Variants in STAG1 observed in about 807,000 individuals in gnomAD.
STAG1 encodes the protein cohesin subunit SA-1.
A neutral mutation model predicts 170.9 loss-of-function variants in STAG1; 26 were observed. The ratio of observed to expected loss-of-function variants is 0.15; its 90% CI spans 0.11 to 0.21. STAG1 has a LOEUF of 0.21. STAG1 is among the 10% of genes least tolerant of loss of function. The probability of loss-of-function intolerance (pLI) is 1.00; values close to 1 mark genes in which losing one functional copy is unlikely to be tolerated. For synonymous variants in STAG1, 514 were observed against 497.7 expected, an observed-to-expected ratio of 1.03 and a Z score of -0.44; for missense variants, 964 against 1,509.5, an observed-to-expected ratio of 0.64 and a Z score of 5.99.
chr3:136,385,540 A>T (rs567539757), intron 22 of STAG1, among the ~76,000 whole-genome samples: 1 of 152,320 alleles, frequency 6.6e-6, no homozygotes, highest in Non-Finnish European at 1.5e-5. Flanking sequence ...TCTTGGTTAT[A>T]TTTTGTATCC....
At chr3:136,740,355 G>A (rs1934601759) in intron 1 of STAG1, among the ~76,000 whole-genome samples, 1 of 152,118 alleles carries the variant, frequency 6.6e-6, no homozygotes, top group South Asian at 2.1e-4. Flanking sequence ...TACAAACTTG[G>A]GAAATTTAAT....
intron 2 of STAG1, among the ~76,000 whole-genome samples, chr3:136,628,322 T>C (rs1358476506): frequency 6.6e-6 from 1 of 152,174 alleles, no homozygotes; most frequent in Non-Finnish European, 1.5e-5. Context: ...TAGTTCTTTA[T>C]AGCAGTGTGA....
intron 1 of STAG1, among the ~76,000 whole-genome samples, chr3:136,709,062 G>C (rs923486269): frequency 1.0e-4 from 15 of 149,536 alleles, no homozygotes; most frequent in East Asian, 5.9e-4. Flanking sequence ...GGCTGAGATG[G>C]GTGGATCACA....
chr3:136,509,162 T>G (rs1373874415), intron 7 of STAG1, among the ~76,000 whole-genome samples: 2 of 152,130 alleles, frequency 1.3e-5, no homozygotes, highest in African/African-American at 4.8e-5. Context: ...AGAAAACAGA[T>G]AGAGGATAAG....
chr3:136,521,724 G>C (rs1341006296), intron 6 of STAG1, among the ~76,000 whole-genome samples: 2 of 152,084 alleles, frequency 1.3e-5, no homozygotes, highest in Non-Finnish European at 2.9e-5. Flanking sequence ...ATCTGAAACA[G>C]TAAAAAAAAT....
At chr3:136,605,455 C>T (rs1938886700) in intron 3 of STAG1, among the ~76,000 whole-genome samples, 1 of 152,180 alleles carries the variant, frequency 6.6e-6, no homozygotes, top group African/African-American at 2.4e-5. Flanking sequence ...GCTACTTCAC[C>T]AAACTCACCA....
intron 6 of STAG1, among the ~76,000 whole-genome samples, chr3:136,531,690 C>G (rs1235182181): frequency 6.9e-6 from 1 of 145,850 alleles, no homozygotes; most frequent in East Asian, 2.0e-4. Flanking sequence ...TATTCTCACT[C>G]ATAGGTGGGA....
chr3:136,481,914 A>G lies in STAG1; in HGVS notation c.903-4502T>C, dbSNP rs901978901. 4.1e-5 allele frequency among the ~76,000 whole-genome samples: 2 copies of G among 48,388 alleles called. 1 individual carries two copies. Among genetic ancestry groups the G allele is most frequent in the African/African-American group, 1.3e-4 (2 of 15,212 alleles). The allele number at this position is 48,388 out of a possible 152,430, so 31.7% of individuals were successfully genotyped here. A position where few individuals can be genotyped will look rare whatever the true frequency, so the allele number is the denominator to read the frequency against. ...TGATGGTAGTTTGTATTTCTGTGGGATCGGTGGTGATATCCCCTTTATCAT... is the reference window on the plus strand; with the variant it reads ...TGATGGTAGTTTGTATTTCTGTGGGGTCGGTGGTGATATCCCCTTTATCAT... On this transcript the variant is annotated intron_variant, in intron 9 of 33. Transcript: ENST00000383202.
intron 7 of STAG1, among the ~76,000 whole-genome samples, chr3:136,512,048 A>C (rs998986290): frequency 2.0e-5 from 3 of 149,136 alleles, no homozygotes; most frequent in African/African-American, 7.4e-5. Context: ...TGAGCCCAGG[A>C]ATTTGAGACC....
chr3:136,605,896 C>T (rs916174053), intron 3 of STAG1, among the ~76,000 whole-genome samples: 1 of 152,120 alleles, frequency 6.6e-6, no homozygotes, highest in Non-Finnish European at 1.5e-5. Context: ...AGTACCTGCT[C>T]CCTGCATTTG....
chr3:136,602,489 A>C (rs1013587578), intron 4 of STAG1, among the ~76,000 whole-genome samples: 1 of 152,080 alleles, frequency 6.6e-6, no homozygotes. Flanking sequence ...TTTCTACCTA[A>C]AGGTGGGAAG....
chr3:136,597,114 T>C (rs1938462264), intron 4 of STAG1, among the ~76,000 whole-genome samples: 1 of 152,128 alleles, frequency 6.6e-6, no homozygotes, highest in African/African-American at 2.4e-5. Flanking sequence ...TATACCACAG[T>C]TTATCAATTA....
intron 4 of STAG1, among the ~76,000 whole-genome samples, chr3:136,574,362 A>G (rs905007205): frequency 1.1e-4 from 16 of 152,054 alleles, no homozygotes; most frequent in Admixed American, 2.6e-4. Flanking sequence ...ACACACACAC[A>G]CACGCACATC....
At chr3:136,339,173 C>G (rs569308075) in intron 32 of STAG1, among the ~76,000 whole-genome samples, 1 of 152,156 alleles carries the variant, frequency 6.6e-6, no homozygotes, top group Non-Finnish European at 1.5e-5. Flanking sequence ...CAGCCATCTA[C>G]AAGCCAAGGA....
intron 4 of STAG1, among the ~76,000 whole-genome samples, chr3:136,601,898 T>C (rs1559902704): frequency 6.6e-6 from 1 of 151,668 alleles, no homozygotes; most frequent in Non-Finnish European, 1.5e-5. Context: ...AAGAGTAATA[T>C]GGATGAAGAG....
At chr3:136,588,576 G>A (rs931273621) in intron 4 of STAG1, among the ~76,000 whole-genome samples, 18 of 152,098 alleles carry the variant, frequency 1.2e-4, no homozygotes, top group African/African-American at 4.3e-4. Context: ...CTGACCTCAA[G>A]TGATCCACCT....
intron 4 of STAG1, among the ~76,000 whole-genome samples, chr3:136,602,572 C>T (rs989919571): frequency 6.6e-6 from 1 of 151,822 alleles, no homozygotes; most frequent in African/African-American, 2.4e-5. Context: ...ATAATGAGGC[C>T]GGGCATGGTG....
At chr3:136,674,238 TAAC>T (rs2107879402) in intron 1 of STAG1, among the ~76,000 whole-genome samples, 2 of 149,416 alleles carry the variant, frequency 1.3e-5, no homozygotes, top group African/African-American at 5.0e-5. Context: ...CCAAAATTGA[TAAC>T]AACCCAAATG....
intron 5 of STAG1, among the ~76,000 whole-genome samples, chr3:136,551,620 A>AT (rs111609376): frequency 1.4e-3 from 198 of 145,052 alleles, no homozygotes; most frequent in African/African-American, 4.2e-3. Flanking sequence ...TATTCTCAGT[A>AT]TTTTTTTTTT....
Sources: gnomAD v4.1 joint callset for allele counts (sites outside exome capture counted in the v4.1 genomes callset) on GRCh38, gnomAD v4.1.1 for gene constraint, MANE v1.5 for transcripts, NCBI Gene and HGNC (gene_info 2026-07-23, HGNC 2026-07-21) for gene names.